NUDC: variants seen among roughly 807,000 people sequenced by gnomAD.
NUDC encodes the protein nuclear migration protein nudC.
NUDC carries 14 observed loss-of-function variants against 45.0 expected under a neutral mutation model. The observed-to-expected ratio is 0.31, with a 90% CI of 0.21 to 0.49. NUDC has a LOEUF of 0.49. Ranked by LOEUF, NUDC falls within the 20% of genes least tolerant of loss-of-function variation. The pLI is 0.99. For synonymous variants in NUDC, 153 were observed against 156.7 expected (o/e 0.98, Z 0.17); for missense variants, 323 against 426.2 (o/e 0.76, Z 2.13).
At chr1:26,944,002 A>G (rs2082299632) in intron 6 of NUDC, among the ~76,000 whole-genome samples, 1 of 149,306 alleles carries the variant, frequency 6.7e-6, no homozygotes, top group African/African-American at 2.5e-5. Context: ...TTCAGCCTCC[A>G]GTGTAGCTGG....
intron 1 of NUDC, among the ~76,000 whole-genome samples, chr1:26,900,893 G>C (rs141470427): frequency 6.6e-6 from 1 of 152,144 alleles, no homozygotes; most frequent in East Asian, 1.9e-4. Context: ...GAGGAAACAC[G>C]CAGGTCCAAT....
At chr1:26,912,033 G>A in intron 3 of NUDC, 1 of 1,614,176 alleles carries the variant, frequency 6.2e-7, no homozygotes, top group Middle Eastern at 1.7e-4. Context: ...AGCACCCAGT[G>A]AGCCTCCTGC....
At chr1:26,944,174 G>T (rs1253191707) in intron 6 of NUDC, among the ~76,000 whole-genome samples, 6 of 151,764 alleles carry the variant, frequency 4.0e-5, no homozygotes, top group Non-Finnish European at 7.4e-5. Flanking sequence ...GATTACAGGT[G>T]TGAGCCACCA....
intron 2 of NUDC, among the ~76,000 whole-genome samples, chr1:26,902,920 G>A (rs1001267984): frequency 8.6e-5 from 13 of 151,966 alleles, no homozygotes; most frequent in Non-Finnish European, 1.0e-4. Flanking sequence ...ATGGTGGTAT[G>A]CGCCTGTAAT....
At chr1:26,913,707 C>A (rs1475882019) in intron 3 of NUDC, 1 of 1,609,620 alleles carries the variant, frequency 6.2e-7, no homozygotes, top group Admixed American at 1.7e-5. Context: ...GGGGAGGCAG[C>A]TGCCAGAAGG....
At chr1:26,917,605 C>T (rs1188858292), upstream of NUDC, among the ~76,000 whole-genome samples, 1 of 151,054 alleles carries the variant, frequency 6.6e-6, no homozygotes, top group Non-Finnish European at 1.5e-5. Context: ...TAAAAGAAAC[C>T]ACCTGGGCAT....
chr1:26,921,293 T>C (rs2082089013), upstream of NUDC, among the ~76,000 whole-genome samples: 1 of 152,126 alleles, frequency 6.6e-6, no homozygotes, highest in South Asian at 2.1e-4. Context: ...GCGACTGCAA[T>C]TTGTACTCCC....
chr1:26,945,764 A>G, intron 8 of NUDC, 78 bp downstream of exon 8: 1 of 1,014,106 alleles, frequency 9.9e-7, no homozygotes, highest in Non-Finnish European at 1.6e-6. Flanking sequence ...TGAGTGGATC[A>G]CTGCGCTGCC....
rs41307925 is a variant in NUDC, at chr1:26,921,784, C to A, written c.-65C>A. The A allele has an allele frequency of 1.3e-6, 2 of 1,511,312 alleles. No individual in the cohort carries two copies. The highest frequency in any genetic ancestry group is 1.4e-5 in the African/African-American group (1 of 72,190). 93.6% of individuals were successfully genotyped at this position (1,511,312 alleles called of 1,614,324 possible). A position where few individuals can be genotyped will look rare whatever the true frequency, so the allele number is the denominator to read the frequency against. On this transcript the variant is annotated 5_prime_UTR_variant, in exon 1 of 9. Coordinates refer to ENST00000321265, the MANE Select transcript of NUDC (RefSeq NM_006600.4). ...TAGAGTCGTTGGGCCCGGCGCGACC[C>A]GCAGGAGCGTAGAGAGCGCGGGACT...
At chr1:26,925,412 C>T (rs1228057297) in intron 2 of NUDC, among the ~76,000 whole-genome samples, 3 of 150,410 alleles carry the variant, frequency 2.0e-5, no homozygotes, top group East Asian at 2.1e-4. Context: ...AGGTGGCGGG[C>T]GCCTGTAGTC....
chr1:26,930,551 A>G (rs1362540496), intron 2 of NUDC, among the ~76,000 whole-genome samples: 1 of 152,120 alleles, frequency 6.6e-6, no homozygotes, highest in Non-Finnish European at 1.5e-5. Flanking sequence ...TGTACAAAAA[A>G]TAGAAAATCA....
intron 2 of NUDC, among the ~76,000 whole-genome samples, chr1:26,908,362 G>C (rs1253549943): frequency 6.6e-6 from 1 of 152,142 alleles, no homozygotes; most frequent in Non-Finnish European, 1.5e-5. Flanking sequence ...GAGAAAGCAC[G>C]ATTCCCCTTA....
At chr1:26,939,496 A>G (rs955323455) in intron 2 of NUDC, among the ~76,000 whole-genome samples, 28 of 152,130 alleles carry the variant, frequency 1.8e-4, no homozygotes, top group Admixed American at 1.8e-3. Context: ...GCATGGTGGC[A>G]TGTACTTATA....
Position 26,921,818 on chromosome 1 carries a change from G to A in NUDC, c.-31G>A. 1 of 1,547,448 alleles carries A rather than the reference G, an allele frequency of 6.5e-7. No individual in the cohort carries two copies. The highest frequency in any genetic ancestry group is 1.4e-5 in the African/African-American group (1 of 73,120). The stretch of plus-strand genomic sequence containing the variant: ...GTAGAGAGCGCGGGACTAGAGTGCA[G>A]AGCTCCGGGACGTGGATCGGAGCCG... On this transcript the variant is annotated 5_prime_UTR_variant, in exon 1 of 9. Coordinates refer to ENST00000321265, the MANE Select transcript of NUDC (RefSeq NM_006600.4).
intron 2 of NUDC, among the ~76,000 whole-genome samples, chr1:26,926,940 G>A (rs1410496508): frequency 1.1e-4 from 16 of 152,098 alleles, no homozygotes; most frequent in Non-Finnish European, 5.9e-5. Flanking sequence ...TAACACTTTG[G>A]ATTATGTTAG....
chr1:26,944,145 C>T (rs927199405), intron 6 of NUDC, among the ~76,000 whole-genome samples: 1 of 151,942 alleles, frequency 6.6e-6, no homozygotes, highest in Non-Finnish European at 1.5e-5. Flanking sequence ...CCGCCCACCT[C>T]GGCCTCCCAA....
chr1:26,924,852 G>C (rs2124098064), intron 2 of NUDC, among the ~76,000 whole-genome samples: 1 of 151,630 alleles, frequency 6.6e-6, no homozygotes, highest in South Asian at 2.1e-4. Flanking sequence ...TGCCTGGCCA[G>C]GAGGTTTTAT....
intron 2 of NUDC, among the ~76,000 whole-genome samples, chr1:26,933,181 G>T (rs933898902): frequency 6.6e-6 from 1 of 151,818 alleles, no homozygotes; most frequent in African/African-American, 2.4e-5. Context: ...TGATCTGCCT[G>T]GCTCGGCCTC....
chr1:26,915,665 C>T (rs1164681819), intron 3 of NUDC, among the ~76,000 whole-genome samples: 1 of 152,102 alleles, frequency 6.6e-6, no homozygotes, highest in Non-Finnish European at 1.5e-5. Context: ...CGATAAGCCT[C>T]CCTGGGACAA....
Sources: allele counts gnomAD v4.1 joint callset (sites outside exome capture counted in the v4.1 genomes callset), GRCh38; gene constraint gnomAD v4.1.1; transcripts MANE v1.5; gene names NCBI Gene and HGNC (gene_info 2026-07-23, HGNC 2026-07-21).